Variants in LRRC9 observed in about 807,000 individuals in gnomAD.
LRRC9 encodes leucine-rich repeat-containing protein 9.
A neutral mutation model predicts 63.2 loss-of-function variants in LRRC9; 122 were observed. The observed-to-expected ratio is 1.93, with a 90% CI of 1.67 to 2.24. LRRC9 has a LOEUF of 2.24. Among genes scored for constraint, LRRC9 ranks in the 30% most tolerant of loss-of-function variants. The pLI, the probability that LRRC9 is intolerant of heterozygous loss-of-function variation, is 0.00. For synonymous variants in LRRC9, 366 were observed against 213.1 expected, an observed-to-expected ratio of 1.72 and a Z score of -6.25; for missense variants, 1,071 against 627.7, an observed-to-expected ratio of 1.71 and a Z score of -7.55.
intron 29 of LRRC9, among the ~76,000 whole-genome samples, chr14:60,045,230 T>C (rs915351390): frequency 6.6e-6 from 1 of 152,122 alleles, no homozygotes; most frequent in Non-Finnish European, 1.5e-5. Flanking sequence ...GAAGGCAGCA[T>C]ATAGTTGGGT....
chr14:59,954,533 T>C (rs1329775452), intron 8 of LRRC9, among the ~76,000 whole-genome samples: 1 of 152,232 alleles, frequency 6.6e-6, no homozygotes, highest in African/African-American at 2.4e-5. Flanking sequence ...TTTGCTGAAG[T>C]TGCTTATCAG....
intron 7 of LRRC9, among the ~76,000 whole-genome samples, chr14:59,944,171 C>T (rs149337647): frequency 2.0e-5 from 3 of 151,904 alleles, no homozygotes; most frequent in African/African-American, 7.2e-5. Context: ...TTTTAAAAAA[C>T]GAATTGAGTA....
intron 23 of LRRC9, among the ~76,000 whole-genome samples, chr14:60,009,444 T>A (rs1566872674): frequency 6.6e-6 from 1 of 152,198 alleles, no homozygotes. Flanking sequence ...ACTTATTCAC[T>A]ATCGCGAGAA....
Position 59,986,166 on chromosome 14 carries a change from A to G in LRRC9, c.2211+942A>G, listed in dbSNP as rs1308083941. Among the ~76,000 whole-genome samples the G allele has an allele frequency of 2.0e-5, 3 of 152,178 alleles. No individual in the cohort carries two copies. Among genetic ancestry groups the G allele is most frequent in the Non-Finnish European group, 4.4e-5 (3 of 68,020 alleles). On this transcript the variant is annotated intron_variant, in intron 17 of 31. Transcript: ENST00000445360. The surrounding 1 kb of genome is among the most constrained non-coding windows in gnomAD (Gnocchi z 4.7). ...CTTGTATATCATAGGACAATACAGG[A>G]ATGCACATGTACACATAGGCATGGA...
At chr14:59,921,130 C>T (rs1476446000) in intron 1 of LRRC9, among the ~76,000 whole-genome samples, 1 of 151,994 alleles carries the variant, frequency 6.6e-6, no homozygotes, top group Non-Finnish European at 1.5e-5. Flanking sequence ...GCCATACAGC[C>T]AAGGGAAAAG....
chr14:59,931,546 G>A (rs1414701042), intron 4 of LRRC9, 73 bp from the exon 5 acceptor site: 1 of 659,614 alleles, frequency 1.5e-6, no homozygotes, highest in South Asian at 1.7e-5. Flanking sequence ...GAACTAACCA[G>A]ATTAATCAGA....
In LRRC9 at chr14:59,958,121, G is replaced by A. The variant is rs539358129; in HGVS notation, c.883-1697G>A. ...GCACGGGGGTCAGGAACCCACTTGA[G>A]CAGGCAGTCTGTCCCTTAGCAGAGC... On this transcript the variant is annotated intron_variant, in intron 8 of 31. Coordinates refer to ENST00000445360, the Ensembl canonical transcript of LRRC9. This position sits in a 1 kb window ranked among gnomAD's most constrained non-coding sequence, Gnocchi z 4.0. 1.7e-3 allele frequency among the ~76,000 whole-genome samples: 262 copies of A among 152,302 alleles called. No homozygotes were observed. Among genetic ancestry groups the A allele is most frequent in the African/African-American group, 5.8e-3 (242 of 41,576 alleles).
At chr14:60,055,803 G>T (rs1894238303) in intron 30 of LRRC9, among the ~76,000 whole-genome samples, 1 of 151,660 alleles carries the variant, frequency 6.6e-6, no homozygotes, top group Non-Finnish European at 1.5e-5. Context: ...TACTCAGGAG[G>T]CTAAGGTGGG....
chr14:60,023,844 T>G (rs1337249753), intron 27 of LRRC9, among the ~76,000 whole-genome samples: 1 of 152,114 alleles, frequency 6.6e-6, no homozygotes, highest in Non-Finnish European at 1.5e-5. Context: ...CCCCTCCCTG[T>G]GTCCATGTGC....
rs138457849 is a variant in LRRC9 at position 59,998,020 on chromosome 14, G to T, written c.2403+173G>T. Among the ~76,000 whole-genome samples, 142 of 152,094 alleles carry T rather than the reference G, an allele frequency of 9.3e-4. 1 individual carries two copies. In the East Asian group the frequency reaches 0.025, roughly 27 times the overall value. ...TTTAATGTACTGATCAAATGAATCA[G>T]ATGTTACTATAAGAAAAGACTATAA... On this transcript the variant is annotated intron_variant, in intron 18 of 31. Coordinates refer to ENST00000445360, the Ensembl canonical transcript of LRRC9.
intron 29 of LRRC9, among the ~76,000 whole-genome samples, chr14:60,043,756 CTTTTTTTTTTTT>C (rs368065898): frequency 1.4e-5 from 1 of 71,556 alleles, no homozygotes; most frequent in Non-Finnish European, 2.8e-5. Flanking sequence ...TTTTCTTTTC[CTTTTTTTTTTTT>C]TTTTTTTTTT....
Position 60,053,013 on chromosome 14 carries a change from C to T in LRRC9, c.3991-52C>T. The T allele has an allele frequency of 1.5e-6, 1 of 672,222 alleles. No individual in the cohort carries two copies. Among genetic ancestry groups the T allele is most frequent in the South Asian group, 1.6e-5 (1 of 61,448 alleles). The allele number at this position is 672,222 out of a possible 1,614,324, so 41.6% of individuals were successfully genotyped here. Reference sequence around the variant, plus strand: ...AATTTCCTTCTCTATACAGGTTAATCTTTGAAATAAAAGTTTTGTAGGAAT... The same window carrying T: ...AATTTCCTTCTCTATACAGGTTAATTTTTGAAATAAAAGTTTTGTAGGAAT... On this transcript the variant is annotated intron_variant, in intron 29 of 31. Transcript: ENST00000445360. This position sits in a 1 kb window ranked among gnomAD's most constrained non-coding sequence, Gnocchi z 4.8.
chr14:60,000,091 A>C (rs976005119), intron 19 of LRRC9, among the ~76,000 whole-genome samples: 4 of 152,144 alleles, frequency 2.6e-5, no homozygotes, highest in Non-Finnish European at 5.9e-5. Flanking sequence ...GTAAATATAC[A>C]CCATGGAATG....
At position 60,031,669 on chromosome 14, in the gene LRRC9, G is replaced by A. The variant is rs899956736; in HGVS notation, c.3922-326G>A. On this transcript the variant is annotated intron_variant, in intron 28 of 31. Coordinates refer to ENST00000445360, the Ensembl canonical transcript of LRRC9. This position sits in a 1 kb window ranked among gnomAD's most constrained non-coding sequence, Gnocchi z 4.6. ...ACCTTTTCCATACTTTCTGGTCAAT[G>A]TGCTGGAGGAATTAACCAAATATAA... Among the ~76,000 whole-genome samples the A allele has an allele frequency of 3.9e-4, 59 of 152,100 alleles. 1 individual carries two copies. The highest frequency in any genetic ancestry group is 1.3e-3 in the African/African-American group (53 of 41,520).
chr14:60,060,618 G>C lies in LRRC9; in HGVS notation c.4276+2596G>C, dbSNP rs1894595268. Among the ~76,000 whole-genome samples, 1 of 152,124 alleles carries C rather than the reference G, an allele frequency of 6.6e-6. No homozygotes were observed. The highest frequency in any genetic ancestry group is 1.5e-5 in the Non-Finnish European group (1 of 68,010). ...TAGCTGGGCATGGTGGCGGGCGCCTGTAGTCCCAGCTACTCGGGAGGCTGA... is the reference window on the plus strand; with the variant it reads ...TAGCTGGGCATGGTGGCGGGCGCCTCTAGTCCCAGCTACTCGGGAGGCTGA... On this transcript the variant is annotated intron_variant, in intron 31 of 31. Coordinates refer to ENST00000445360, the Ensembl canonical transcript of LRRC9. The surrounding 1 kb of genome is among the most constrained non-coding windows in gnomAD (Gnocchi z 4.0).
chr14:60,056,675 G>C (rs1386758343), intron 30 of LRRC9, among the ~76,000 whole-genome samples: 1 of 152,050 alleles, frequency 6.6e-6, no homozygotes, highest in Non-Finnish European at 1.5e-5. Context: ...TATATGGTTA[G>C]TAAAATAAAG....
chr14:59,993,223 T>A (rs1485974368), intron 17 of LRRC9, among the ~76,000 whole-genome samples: 1 of 152,066 alleles, frequency 6.6e-6, no homozygotes, highest in Admixed American at 6.5e-5. Flanking sequence ...GCTTCATAAG[T>A]GAAGGAGAAA....
intron 27 of LRRC9, among the ~76,000 whole-genome samples, chr14:60,026,768 A>G (rs536998367): frequency 1.4e-4 from 22 of 152,068 alleles, no homozygotes; most frequent in South Asian, 1.0e-3. Context: ...CTTTTCCCCA[A>G]TGTGTGTTCT....
downstream of LRRC9, among the ~76,000 whole-genome samples, chr14:60,063,810 C>T (rs2140483125): frequency 6.6e-6 from 1 of 152,296 alleles, no homozygotes; most frequent in South Asian, 2.1e-4. Context: ...TTTGAGATTA[C>T]ACAAAACTAC....
Sources: allele counts gnomAD v4.1 joint callset (sites outside exome capture counted in the v4.1 genomes callset), GRCh38; gene constraint gnomAD v4.1.1; non-coding constraint Gnocchi (gnomAD v3.1); transcripts MANE v1.5; gene names NCBI Gene and HGNC (gene_info 2026-07-23, HGNC 2026-07-21).